SUPT3H: variants seen among roughly 807,000 people sequenced by gnomAD.
SUPT3H encodes transcription initiation protein SPT3 homolog.
Under a neutral mutation model 44.3 loss-of-function variants are expected in SUPT3H, and 44 were observed. That is an observed-to-expected ratio of 0.99 (90% CI 0.78 to 1.28). The LOEUF (loss-of-function observed/expected upper bound fraction) is 1.28, where lower values mean the gene tolerates loss of function less well. Ranked by LOEUF, SUPT3H falls within the 50% of genes most tolerant of loss-of-function variation. The pLI, the probability that SUPT3H is intolerant of heterozygous loss-of-function variation, is 0.00. For missense variants in SUPT3H, 380 were observed against 387.1 expected, an observed-to-expected ratio of 0.98 and a Z score of 0.15; for synonymous variants, 124 against 125.6, an observed-to-expected ratio of 0.99 and a Z score of 0.09.
At chr6:45,122,209 T>A (rs908565360) in intron 2 of SUPT3H, among the ~76,000 whole-genome samples, 2 of 152,074 alleles carry the variant, frequency 1.3e-5, no homozygotes, top group Admixed American at 6.6e-5. Flanking sequence ...AGATATGGGG[T>A]TGGGGTTGGG....
At chr6:45,270,886 T>A (rs1776017731) in intron 2 of SUPT3H, among the ~76,000 whole-genome samples, 1 of 152,196 alleles carries the variant, frequency 6.6e-6, no homozygotes, top group African/African-American at 2.4e-5. Context: ...AACTCCAGGC[T>A]GAAGTGGTCT....
At chr6:45,016,494 T>TC (rs1170398698) in intron 4 of SUPT3H, among the ~76,000 whole-genome samples, 2 of 52,434 alleles carry the variant, frequency 3.8e-5, no homozygotes, top group Non-Finnish European at 6.8e-5. Context: ...CCCTCCCCCC[T>TC]CCCCCCACCC....
intron 2 of SUPT3H, among the ~76,000 whole-genome samples, chr6:45,143,276 G>A (rs1385257892): frequency 1.3e-5 from 2 of 152,176 alleles, no homozygotes; most frequent in South Asian, 2.1e-4. Context: ...CACATGGAAC[G>A]TTCTGCAAGA....
intron 6 of SUPT3H, among the ~76,000 whole-genome samples, chr6:44,968,847 C>T (rs1462530404): frequency 6.6e-6 from 1 of 152,146 alleles, no homozygotes; most frequent in Non-Finnish European, 1.5e-5. Context: ...AAATGCCTGA[C>T]TTCTAATTAC....
chr6:44,913,634 T>C (rs539477815), intron 10 of SUPT3H, among the ~76,000 whole-genome samples: 5 of 152,262 alleles, frequency 3.3e-5, no homozygotes, highest in African/African-American at 1.2e-4. Flanking sequence ...CATAAAAATG[T>C]ATAATAAAAA....
At chr6:45,126,669 A>T (rs141425013) in intron 2 of SUPT3H, among the ~76,000 whole-genome samples, 3 of 152,336 alleles carry the variant, frequency 2.0e-5, no homozygotes, top group African/African-American at 7.2e-5. Context: ...AGGATTAAGG[A>T]CACTGACTAT....
intron 11 of SUPT3H, among the ~76,000 whole-genome samples, chr6:44,814,225 T>C (rs1348539066): frequency 6.6e-6 from 1 of 152,046 alleles, no homozygotes; most frequent in African/African-American, 2.4e-5. Flanking sequence ...AAAAGAGAAA[T>C]GTCCAAAAAT....
chr6:45,203,837 A>C (rs1192941311), intron 2 of SUPT3H, among the ~76,000 whole-genome samples: 1 of 152,130 alleles, frequency 6.6e-6, no homozygotes, highest in Non-Finnish European at 1.5e-5. Context: ...GCCCCCCTTG[A>C]CCATCCCTCT....
rs1466651387 is a variant in SUPT3H, at chr6:45,042,372, G to T, written c.187-21740C>A. On this transcript the variant is annotated intron_variant, in intron 3 of 10. Transcript: ENST00000371459. ...TGAGAGGCAGAGGTCGCAGTGAGCC[G>T]ACATCATGGCATTGCACTCCAGCCT... Among the ~76,000 whole-genome samples, 5 of 152,122 alleles carry T rather than the reference G, an allele frequency of 3.3e-5. No individual in the cohort carries two copies. The South Asian group carries it at 8.3e-4, about 25-fold the overall frequency.
At chr6:44,831,840 C>CT (rs1768820266) in intron 10 of SUPT3H, among the ~76,000 whole-genome samples, 2 of 152,086 alleles carry the variant, frequency 1.3e-5, no homozygotes, top group African/African-American at 4.8e-5. Context: ...GAAAAGGTCA[C>CT]TTTTGAAAGA....
intron 2 of SUPT3H, among the ~76,000 whole-genome samples, chr6:45,316,868 G>T (rs566161290): frequency 2.0e-5 from 3 of 151,922 alleles, no homozygotes; most frequent in Non-Finnish European, 4.4e-5. Flanking sequence ...ACTGAGGAAA[G>T]AAATGGAAGA....
intron 2 of SUPT3H, among the ~76,000 whole-genome samples, chr6:45,139,410 A>T (rs1478718901): frequency 6.6e-6 from 1 of 152,200 alleles, no homozygotes; most frequent in Non-Finnish European, 1.5e-5. Flanking sequence ...AGCAGCTCCC[A>T]CTTGGATAGA....
In SUPT3H at chr6:44,954,565, C is replaced by T. The variant is rs764066263; in HGVS notation, c.623G>A (p.Ser208Asn). Reference protein sequence around the residue: ...SKFRDWLDCSSMEIKPNVVAM... With the variant: ...SKFRDWLDCSNMEIKPNVVAM... ...GACAACATTGGGTTTTATCTCCATA[C>T]TGCTGCAGTCCAACCAGTCTCGAAA... Residue 208 changes from serine (S) to asparagine (N), a missense_variant, in exon 8 of 11, where the codon AGT becomes AAT. Ser to Asn is a conservative substitution (Grantham distance 46, BLOSUM62 1). Transcript: ENST00000371459. 1 of 1,614,132 alleles carries T rather than the reference C, an allele frequency of 6.2e-7. No individual in the cohort carries two copies. The highest frequency in any genetic ancestry group is 2.2e-5 in the East Asian group (1 of 44,876).
At chr6:45,121,047 GT>G (rs1583654254) in intron 2 of SUPT3H, among the ~76,000 whole-genome samples, 1 of 152,146 alleles carries the variant, frequency 6.6e-6, no homozygotes, top group Admixed American at 6.6e-5. Context: ...ATCTAGGTAT[GT>G]AATTATTATT....
At chr6:44,927,003 T>C (rs968163425) in intron 10 of SUPT3H, among the ~76,000 whole-genome samples, 5 of 152,200 alleles carry the variant, frequency 3.3e-5, no homozygotes, top group African/African-American at 1.2e-4. Context: ...GGAATTTCAC[T>C]TCTAGTAATC....
chr6:45,069,713 T>C (rs895134934), intron 3 of SUPT3H, among the ~76,000 whole-genome samples: 7 of 152,208 alleles, frequency 4.6e-5, no homozygotes, highest in Non-Finnish European at 8.8e-5. Flanking sequence ...AAAAAATCCA[T>C]AGATTAACTC....
At chr6:45,251,217 A>C (rs994403207) in intron 2 of SUPT3H, 4 of 152,200 alleles carry the variant, frequency 2.6e-5, no homozygotes, top group African/African-American at 9.7e-5. Context: ...AATAATATGA[A>C]GTTTATATAC....
At chr6:45,337,472 G>GA (rs1165915885) in intron 2 of SUPT3H, among the ~76,000 whole-genome samples, 1 of 151,656 alleles carries the variant, frequency 6.6e-6, no homozygotes, top group Non-Finnish European at 1.5e-5. Context: ...TAGAAGGCCA[G>GA]AAAATCTTAT....
intron 2 of SUPT3H, among the ~76,000 whole-genome samples, chr6:45,293,170 A>C (rs535210896): frequency 6.6e-6 from 1 of 152,296 alleles, no homozygotes; most frequent in South Asian, 2.1e-4. Flanking sequence ...ACTGGAAATC[A>C]ACCCCAAAAG....
Sources: allele counts gnomAD v4.1 joint callset (sites outside exome capture counted in the v4.1 genomes callset), GRCh38; gene constraint gnomAD v4.1.1; transcripts MANE v1.5; gene names NCBI Gene and HGNC (gene_info 2026-07-23, HGNC 2026-07-21).